Variants in BMAL1 observed in about 807,000 individuals in gnomAD.
The protein encoded by BMAL1 is basic helix-loop-helix ARNT-like protein 1.
the BMAL1 span, among the ~76,000 whole-genome samples, chr11:13,304,651 G>C: frequency 6.6e-6 from 1 of 152,174 alleles, no homozygotes; most frequent in Non-Finnish European, 1.5e-5. Context: ...GTCTCACTTT[G>C]GGGTCTTTGG....
the BMAL1 span, chr11:13,372,097 AT>A: frequency 6.3e-7 from 1 of 1,590,134 alleles, no homozygotes; most frequent in South Asian, 1.1e-5. Context: ...CCATCCCACC[AT>A]CGGCCGTGTA....
At chr11:13,383,246 C>T in the BMAL1 span, among the ~76,000 whole-genome samples, 2 of 152,162 alleles carry the variant, frequency 1.3e-5, no homozygotes, top group African/African-American at 2.4e-5. Flanking sequence ...CATCCAGAAG[C>T]ACTAAGGAAA....
chr11:13,280,963 G>C, the BMAL1 span, among the ~76,000 whole-genome samples: 1 of 152,290 alleles, frequency 6.6e-6, no homozygotes, highest in Non-Finnish European at 1.5e-5. Flanking sequence ...TCAGGTTTGG[G>C]CTTTGTGGTC....
At chr11:13,384,759 C>T in the BMAL1 span, among the ~76,000 whole-genome samples, 29,220 of 152,108 alleles carry the variant, frequency 0.19, 2,861 homozygotes, top group Admixed American at 0.25. Context: ...TTTTTTGTTA[C>T]TGTTTTAGAA....
the BMAL1 span, among the ~76,000 whole-genome samples, chr11:13,288,436 T>TCTTTCTTTCTTCTTTCTTTCTTTC: frequency 1.5e-5 from 2 of 131,450 alleles, no homozygotes; most frequent in African/African-American, 5.6e-5. Context: ...TTTTTTTTTT[T>TCTTTCTTTCTTCTTTCTTTCTTTC]TTGTGATGGA....
At chr11:13,378,479 A>G in the BMAL1 span, 1 of 1,588,202 alleles carries the variant, frequency 6.3e-7, no homozygotes, top group South Asian at 1.2e-5. Context: ...CTGTTAAACC[A>G]GTGGTTCTCA....
the BMAL1 span, among the ~76,000 whole-genome samples, chr11:13,310,318 G>A: frequency 2.0e-5 from 3 of 152,116 alleles, no homozygotes; most frequent in Non-Finnish European, 4.4e-5. Context: ...TTATGGAGAG[G>A]TGGAGCTTTG....
chr11:13,371,257 T>C, the BMAL1 span, among the ~76,000 whole-genome samples: 9 of 152,042 alleles, frequency 5.9e-5, no homozygotes, highest in Non-Finnish European at 8.8e-5. Context: ...ACTATCTTTT[T>C]TCTCTCTCTC....
At chr11:13,376,596 G>A in the BMAL1 span, 12 of 1,593,542 alleles carry the variant, frequency 7.5e-6, no homozygotes, top group Middle Eastern at 3.3e-4. Context: ...GCACAGTTCT[G>A]AGCAGGCCTG....
the BMAL1 span, chr11:13,376,881 C>T: frequency 1.6e-6 from 1 of 645,016 alleles, no homozygotes; most frequent in Non-Finnish European, 2.6e-6. Context: ...CCCATGAATG[C>T]AGAGGACACT....
At chr11:13,313,500 T>C in the BMAL1 span, among the ~76,000 whole-genome samples, 1 of 152,176 alleles carries the variant, frequency 6.6e-6, no homozygotes, top group South Asian at 2.1e-4. Context: ...GCTGCCTGCT[T>C]GGTCCACGCC....
the BMAL1 span, among the ~76,000 whole-genome samples, chr11:13,322,778 C>CTTTTTTTT: frequency 9.9e-5 from 5 of 50,348 alleles, no homozygotes; most frequent in African/African-American, 1.8e-4. Flanking sequence ...GTGAGCAAGT[C>CTTTTTTTT]TTTTTTTTTT....
At chr11:13,370,454 C>T in the BMAL1 span, among the ~76,000 whole-genome samples, 2 of 152,312 alleles carry the variant, frequency 1.3e-5, no homozygotes, top group Admixed American at 6.5e-5. Flanking sequence ...GGATACGTGC[C>T]GAAGTAATCA....
At chr11:13,293,859 G>A in the BMAL1 span, among the ~76,000 whole-genome samples, 1 of 152,228 alleles carries the variant, frequency 6.6e-6, no homozygotes, top group Admixed American at 6.5e-5. Context: ...TCCATGGGCA[G>A]GTTAGAAGAT....
At chr11:13,344,564 A>G in the BMAL1 span, among the ~76,000 whole-genome samples, 1 of 152,190 alleles carries the variant, frequency 6.6e-6, no homozygotes, top group African/African-American at 2.4e-5. Context: ...GGCTAGAGAA[A>G]TGCTTATTGA....
At chr11:13,291,251 A>G in the BMAL1 span, among the ~76,000 whole-genome samples, 1 of 152,252 alleles carries the variant, frequency 6.6e-6, no homozygotes, top group African/African-American at 2.4e-5. Flanking sequence ...TAGTTTTTAC[A>G]TACAATGTCT....
At chr11:13,301,943 C>G in the BMAL1 span, among the ~76,000 whole-genome samples, 2 of 152,204 alleles carry the variant, frequency 1.3e-5, no homozygotes, top group East Asian at 3.9e-4. Context: ...GCTCCAGGCT[C>G]TGTGCTTACG....
At chr11:13,375,578 A>AAC in the BMAL1 span, 1 of 1,523,634 alleles carries the variant, frequency 6.6e-7, no homozygotes, top group Non-Finnish European at 8.8e-7. Flanking sequence ...GGTCTGAGAA[A>AAC]ACAACAATGT....
chr11:13,341,059 C>T, the BMAL1 span, among the ~76,000 whole-genome samples: 6 of 152,202 alleles, frequency 3.9e-5, no homozygotes, highest in African/African-American at 4.8e-5. Flanking sequence ...TGCCTCTCCT[C>T]GGGCACCCAG....
Sources: gnomAD v4.1 joint callset for allele counts (sites outside exome capture counted in the v4.1 genomes callset) on GRCh38, gnomAD v4.1.1 for gene constraint, MANE v1.5 for transcripts, NCBI Gene and HGNC (gene_info 2026-07-23, HGNC 2026-07-21) for gene names.